The following MFRP variants were observed in gnomAD, a reference collection of about 807,000 sequenced individuals.
MFRP encodes membrane frizzled-related protein.
Under a neutral mutation model 65.8 loss-of-function variants are expected in MFRP, and 74 were observed. The ratio of observed to expected loss-of-function variants is 1.12; its 90% CI spans 0.93 to 1.36. The LOEUF (loss-of-function observed/expected upper bound fraction) is 1.36. Among genes scored for constraint, MFRP ranks in the 40% most tolerant of loss-of-function variants. The pLI, the probability that MFRP is intolerant of heterozygous loss-of-function variation, is 0.00. For missense variants in MFRP, 838 were observed against 736.0 expected, an observed-to-expected ratio of 1.14 and a Z score of -1.60; for synonymous variants, 336 against 288.3, an observed-to-expected ratio of 1.17 and a Z score of -1.68.
chr11:119,346,170 G>C lies in MFRP; in HGVS notation c.158-11C>G. ...CTCGAGGACGCCGACCTGCGGGTTG[G>C]CAGGTGGGGTTTTGAAAGCCCCTTC... On this transcript the variant is annotated splice_polypyrimidine_tract_variant and intron_variant, in intron 2 of 14. Coordinates refer to ENST00000619721, the MANE Select transcript of MFRP (RefSeq NM_031433.4). 7 of 1,580,910 alleles carry C rather than the reference G, an allele frequency of 4.4e-6. No homozygotes were observed. The highest frequency in any genetic ancestry group is 5.2e-6 in the Non-Finnish European group (6 of 1,162,940).
At chr11:119,344,840 T>G (rs1451283339) in intron 6 of MFRP, 34 bp downstream of exon 6, 1 of 1,613,268 alleles carries the variant, frequency 6.2e-7, no homozygotes, top group East Asian at 2.2e-5. Context: ...GGGAAGAAAG[T>G]GGACACTCAA....
intron 5 of MFRP, 150 bp downstream of exon 5, chr11:119,345,270 G>A: frequency 1.2e-6 from 1 of 844,026 alleles, no homozygotes; most frequent in Non-Finnish European, 1.9e-6. Flanking sequence ...CTTCCTCACG[G>A]CACACAGCAA....
intron 9 of MFRP, 28 bp downstream of exon 9, chr11:119,343,788 A>C: frequency 1.9e-6 from 3 of 1,613,458 alleles, no homozygotes; most frequent in Non-Finnish European, 2.5e-6. Context: ...GGATGGAGTT[A>C]TCCATGGCTC....
rs1348703547 is a variant in MFRP at position 119,342,735 on chromosome 11, C to T, written c.1256-8G>A. The T allele has an allele frequency of 3.1e-6, 5 of 1,613,468 alleles. No individual in the cohort carries two copies. The highest frequency in any genetic ancestry group is 3.3e-5 in the Admixed American group (2 of 59,984). ...CACTGGGCCCACAGGGGTCTGCAGG[C>T]ACAAGGGGCATGGCAGTGCCCGGGG... On this transcript the variant is annotated splice_polypyrimidine_tract_variant and splice_region_variant and intron_variant, in intron 10 of 14. Coordinates refer to ENST00000619721, the MANE Select transcript of MFRP (RefSeq NM_031433.4).
Position 119,343,801 on chromosome 11 carries a change from C to A in MFRP, c.1124+15G>T, listed in dbSNP as rs765437365. On this transcript the variant is annotated intron_variant, in intron 9 of 14. Transcript: ENST00000619721. ...GAGGATGGAGTTATCCATGGCTCTTCCCTGGCTCCTGTACCTGCCCAGGAG... is the reference window on the plus strand; with the variant it reads ...GAGGATGGAGTTATCCATGGCTCTTACCTGGCTCCTGTACCTGCCCAGGAG... 2 of 1,613,626 alleles carry A rather than the reference C, an allele frequency of 1.2e-6. No homozygotes were observed. The highest frequency in any genetic ancestry group is 1.3e-5 in the African/African-American group (1 of 74,866).
At chr11:119,340,643 C>T (rs1298657517) in intron 13 of MFRP, 52 bp downstream of exon 13, 1 of 543,608 alleles carries the variant, frequency 1.8e-6, no homozygotes, top group Non-Finnish European at 3.2e-6. Context: ...CCCGCGCCAG[C>T]CTTTCCCACA....
Position 119,340,456 on chromosome 11 carries a change from G to A in MFRP, c.*854-16C>T, listed in dbSNP as rs1950491343. 1.3e-6 allele frequency: 2 copies of A among 1,506,950 alleles called. No individual in the cohort carries two copies. Among genetic ancestry groups the A allele is most frequent in the Admixed American group, 3.9e-5 (2 of 50,666 alleles). The allele number at this position is 1,506,950 out of a possible 1,614,324, so 93.3% of individuals were successfully genotyped here. ...CTCTCGCAGTCTGTGGACCAGGCAG[G>A]ACTGGAGTCGGGACCCAGAATCCTG... On this transcript the variant is annotated splice_polypyrimidine_tract_variant and intron_variant, in intron 13 of 14. Transcript: ENST00000619721.
intron 6 of MFRP, 39 bp downstream of exon 6, chr11:119,344,835 G>A (rs760634896): frequency 6.2e-7 from 1 of 1,613,440 alleles, no homozygotes. Context: ...TGGAGGGGAA[G>A]AAAGTGGACA....
At chr11:119,343,051 G>A (rs774802971) in intron 9 of MFRP, 48 bp from the exon 10 acceptor site, 7 of 1,560,268 alleles carry the variant, frequency 4.5e-6, no homozygotes, top group Non-Finnish European at 5.2e-6. Flanking sequence ...GGCTGACTGA[G>A]GGGGCACTGC....
At position 119,339,654 on chromosome 11, in the gene MFRP, C is replaced by G. The variant is rs1390254891; in HGVS notation, c.*1305G>C. The G allele has an allele frequency of 6.2e-7, 1 of 1,612,370 alleles. No homozygotes were observed. Among genetic ancestry groups the G allele is most frequent in the South Asian group, 1.1e-5 (1 of 91,090 alleles). ...CAGGTGAACTTGCCGGTGACGGCGT[C>G]GTAATGTCCCTGCTCGTTCACCAGC... On this transcript the variant is annotated 3_prime_UTR_variant, in exon 15 of 15. Coordinates refer to ENST00000619721, the MANE Select transcript of MFRP (RefSeq NM_031433.4). This position sits in a 1 kb window ranked among gnomAD's most constrained non-coding sequence, Gnocchi z 5.4.
Position 119,346,547 on chromosome 11 carries a change from T to C in MFRP, c.-34A>G, listed in dbSNP as rs1369579897. Reference sequence around the variant, plus strand: ...GCTCTGCATGGCTTTCTGGAGTCCCTGTGACAGCCCAAGACCCCCAAGGGC... The same window carrying C: ...GCTCTGCATGGCTTTCTGGAGTCCCCGTGACAGCCCAAGACCCCCAAGGGC... On this transcript the variant is annotated 5_prime_UTR_variant, in exon 1 of 15. Coordinates refer to ENST00000619721, the MANE Select transcript of MFRP (RefSeq NM_031433.4). 6.2e-7 allele frequency: 1 copy of C among 1,611,026 alleles called. No individual in the cohort carries two copies. Among genetic ancestry groups the C allele is most frequent in the Admixed American group, 1.7e-5 (1 of 60,008 alleles).
Position 119,342,583 on chromosome 11 carries a change from G to T in MFRP, c.1387+13C>A. 1 of 1,612,812 alleles carries T rather than the reference G, an allele frequency of 6.2e-7. No homozygotes were observed. Among genetic ancestry groups the T allele is most frequent in the South Asian group, 1.1e-5 (1 of 91,016 alleles). On this transcript the variant is annotated intron_variant, in intron 11 of 14. Coordinates refer to ENST00000619721, the MANE Select transcript of MFRP (RefSeq NM_031433.4). ...CCCAGCCTGCTCAGGGTCCCCAGGG[G>T]CAGGCTTCTCACCTGGGGGTGGGAA...
At chr11:119,342,100 A>G (rs1192141709) in intron 11 of MFRP, 116 bp from the exon 12 acceptor site, 1 of 1,209,424 alleles carries the variant, frequency 8.3e-7, no homozygotes, top group East Asian at 2.4e-5. Flanking sequence ...GGTGGTTGTG[A>G]GGAAGCAAGA....
intron 8 of MFRP, 93 bp from the exon 9 acceptor site, chr11:119,344,057 GGGGAT>G: frequency 6.5e-7 from 1 of 1,533,026 alleles, no homozygotes; most frequent in Non-Finnish European, 8.9e-7. Flanking sequence ...TGCTGGCTGG[GGGGAT>G]GGGGTGGTGC....
chr11:119,344,448 G>A, intron 7 of MFRP, 57 bp from the exon 8 acceptor site: 1 of 1,569,036 alleles, frequency 6.4e-7, no homozygotes, highest in Non-Finnish European at 8.7e-7. Context: ...CCATCCAATA[G>A]GGCTGGCGGT....
At chr11:119,345,392 G>A in intron 5 of MFRP, 28 bp downstream of exon 5, 1 of 1,596,824 alleles carries the variant, frequency 6.3e-7, no homozygotes, top group Non-Finnish European at 8.6e-7. Flanking sequence ...AGGACACGGT[G>A]GGATGTCCTG....
At chr11:119,343,032 A>AG (rs1950519449) in intron 9 of MFRP, 29 bp from the exon 10 acceptor site, 2 of 1,578,228 alleles carry the variant, frequency 1.3e-6, no homozygotes. Context: ...TGTTCTGGGC[A>AG]CCAGCCCTGG....
chr11:119,344,550 T>C lies in MFRP; in HGVS notation c.898+82A>G, dbSNP rs1950538847. On this transcript the variant is annotated intron_variant, in intron 7 of 14. Transcript: ENST00000619721. ...AGGAAATGCTGACGGAGGGCCCGGTTTGAGGCTGGACCAGAGCTGGGGAGC... is the reference window on the plus strand; with the variant it reads ...AGGAAATGCTGACGGAGGGCCCGGTCTGAGGCTGGACCAGAGCTGGGGAGC... 1.9e-6 allele frequency: 3 copies of C among 1,610,012 alleles called. No individual in the cohort carries two copies. In the South Asian group the frequency reaches 3.3e-5, roughly 18 times the overall value.
At chr11:119,344,072 C>T in intron 8 of MFRP, 108 bp from the exon 9 acceptor site, 3 of 1,427,084 alleles carry the variant, frequency 2.1e-6, no homozygotes, top group South Asian at 1.2e-5. Flanking sequence ...TGGGGTGGTG[C>T]TTTCATCATT....
Sources: allele counts gnomAD v4.1 joint callset, GRCh38; gene constraint gnomAD v4.1.1; non-coding constraint Gnocchi (gnomAD v3.1); transcripts MANE v1.5; gene names NCBI Gene and HGNC (gene_info 2026-07-23, HGNC 2026-07-21).